The following C4orf51 variants were observed in gnomAD, a reference collection of about 807,000 sequenced individuals.
C4orf51 encodes chromosome 4 open reading frame 51, also known as uncharacterized protein C4orf51.
Under a neutral mutation model 25.2 loss-of-function variants are expected in C4orf51, and 25 were observed. That is an observed-to-expected ratio of 0.99 (90% CI 0.72 to 1.39). The LOEUF is 1.39. Ranked by LOEUF, C4orf51 falls within the 40% of genes most tolerant of loss-of-function variation. The probability of loss-of-function intolerance (pLI) is 0.00; values close to 1 mark genes in which losing one functional copy is unlikely to be tolerated. For missense variants in C4orf51, 252 were observed against 239.6 expected (o/e 1.05, Z -0.34); for synonymous variants, 100 against 84.5 (o/e 1.18, Z -1.01).
chr4:145,786,054 A>T, the C4orf51 span, among the ~76,000 whole-genome samples: 1 of 152,186 alleles, frequency 6.6e-6, no homozygotes, highest in African/African-American at 2.4e-5. Context: ...TGAGGTAAAC[A>T]TGGTATTACT....
At chr4:145,713,218 C>T (rs138510802) in intron 2 of C4orf51, among the ~76,000 whole-genome samples, 61 of 152,260 alleles carry the variant, frequency 4.0e-4, no homozygotes, top group African/African-American at 1.4e-3. Context: ...GGAGTAATTT[C>T]GACTTTCAAG....
At chr4:145,726,740 G>A (rs1732082921) in intron 2 of C4orf51, among the ~76,000 whole-genome samples, 171 bp from the exon 3 acceptor site, 1 of 152,106 alleles carries the variant, frequency 6.6e-6, no homozygotes, top group Non-Finnish European at 1.5e-5. Flanking sequence ...CCTCTACAGT[G>A]TTATAGAACA....
chr4:145,699,088 G>A (rs1476894771), intron 2 of C4orf51, among the ~76,000 whole-genome samples: 3 of 149,810 alleles, frequency 2.0e-5, no homozygotes, highest in South Asian at 2.1e-4. Flanking sequence ...ACTCCTGCCC[G>A]CCAGAGAACA....
intron 1 of C4orf51, among the ~76,000 whole-genome samples, chr4:145,696,049 G>A (rs993798394): frequency 6.6e-6 from 1 of 152,212 alleles, no homozygotes; most frequent in Non-Finnish European, 1.5e-5. Context: ...AAATCACGAG[G>A]TGAAGAGATT....
At chr4:145,709,203 C>T (rs1731000119) in intron 2 of C4orf51, among the ~76,000 whole-genome samples, 1 of 152,114 alleles carries the variant, frequency 6.6e-6, no homozygotes, top group East Asian at 1.9e-4. Context: ...TGCCTCCTTC[C>T]CGAGGGGTTC....
In C4orf51 at chr4:145,696,635, A is replaced by G. The variant is rs781118579; in HGVS notation, c.307+3A>G. The G allele has an allele frequency of 2.5e-6, 4 of 1,610,844 alleles. No homozygotes were observed. The Admixed American group carries it at 5.0e-5, about 20-fold the overall frequency. On this transcript the variant is annotated splice_donor_region_variant and intron_variant, in intron 2 of 5. Coordinates refer to ENST00000438731, the MANE Select transcript of C4orf51 (RefSeq NM_001080531.3). ...CCAAGAGACTACAGATATCAAAGGT[A>G]AGTGCAACATGATCAGTTTCTGGGC...
chr4:145,729,589 C>T (rs1732346245), intron 4 of C4orf51, among the ~76,000 whole-genome samples: 1 of 152,166 alleles, frequency 6.6e-6, no homozygotes, highest in African/African-American at 2.4e-5. Flanking sequence ...GCGTGAGCCA[C>T]CATGCCCGGT....
At chr4:145,768,126 G>T (rs1050257607) in intron 1 of C4orf51, among the ~76,000 whole-genome samples, 1 of 152,142 alleles carries the variant, frequency 6.6e-6, no homozygotes, top group African/African-American at 2.4e-5. Context: ...ATATGAAGTG[G>T]TTTAATCAAT....
At chr4:145,699,868 G>A (rs1730313457) in intron 2 of C4orf51, among the ~76,000 whole-genome samples, 1 of 151,428 alleles carries the variant, frequency 6.6e-6, no homozygotes, top group Non-Finnish European at 1.5e-5. Context: ...CTTTTCTGGG[G>A]GAGGGGCAAG....
chr4:145,742,532 GTTTTTTTTTTTTTT>G (rs141147414), intron 1 of C4orf51, among the ~76,000 whole-genome samples: 5 of 105,008 alleles, frequency 4.8e-5, no homozygotes, highest in East Asian at 2.2e-4. Flanking sequence ...TCTTTTTCTT[GTTTTTTTTTTTTTT>G]TTTTTTTTTT....
At chr4:145,695,569 T>C (rs1334444286) in intron 1 of C4orf51, among the ~76,000 whole-genome samples, 1 of 151,526 alleles carries the variant, frequency 6.6e-6, no homozygotes, top group Admixed American at 6.6e-5. Context: ...CTGTAGGTTG[T>C]CTGTTTCTTT....
At chr4:145,685,757 T>C (rs1729115705) in intron 1 of C4orf51, among the ~76,000 whole-genome samples, 2 of 152,100 alleles carry the variant, frequency 1.3e-5, no homozygotes, top group Non-Finnish European at 2.9e-5. Context: ...TTTTTCTTTC[T>C]TTGGAGGCAG....
intron 1 of C4orf51, among the ~76,000 whole-genome samples, chr4:145,738,854 T>C (rs1164833331): frequency 6.6e-6 from 1 of 152,164 alleles, no homozygotes; most frequent in Non-Finnish European, 1.5e-5. Flanking sequence ...TTGCCCAGGC[T>C]GGTCTCAAAC....
At chr4:145,729,311 T>G (rs1732294910) in intron 4 of C4orf51, 82 bp downstream of exon 4, 1 of 926,638 alleles carries the variant, frequency 1.1e-6, no homozygotes, top group African/African-American at 1.9e-5. Flanking sequence ...TTTTTTTTTT[T>G]TTTTTTTTTT....
intron 2 of C4orf51, among the ~76,000 whole-genome samples, chr4:145,699,506 G>T (rs920171062): frequency 1.3e-5 from 2 of 152,186 alleles, no homozygotes; most frequent in East Asian, 1.9e-4. Flanking sequence ...CCACACTGCA[G>T]TCTCTCCCTT....
intron 2 of C4orf51, among the ~76,000 whole-genome samples, chr4:145,697,388 A>G (rs928637682): frequency 2.0e-5 from 3 of 152,112 alleles, no homozygotes; most frequent in Non-Finnish European, 2.9e-5. Context: ...GTAAGCCACC[A>G]TGCCTGGCTC....
intron 5 of C4orf51, among the ~76,000 whole-genome samples, chr4:145,731,206 TA>T (rs1732436367): frequency 1.3e-5 from 2 of 152,286 alleles, no homozygotes; most frequent in South Asian, 4.1e-4. Context: ...TATTGTTAAA[TA>T]AATAAATCCC....
downstream of C4orf51, among the ~76,000 whole-genome samples, chr4:145,733,894 G>GTCTAGTACC (rs1484947589): frequency 2.6e-5 from 4 of 152,200 alleles, no homozygotes; most frequent in Non-Finnish European, 5.9e-5. Context: ...TAGGTTCCGA[G>GTCTAGTACC]TCTAGTACCT....
At position 145,688,883 on chromosome 4, in the gene C4orf51, TAAATAAAC is replaced by T. The variant is rs1021620557; in HGVS notation, c.234-7672_234-7665del. On this transcript the variant is annotated intron_variant, in intron 1 of 5. Transcript: ENST00000438731. ...GGCAATAGCTGAGACACTCTCAAAA[TAAATAAAC>T]AAACAAACAAACAACAACAACAAAA... Among the ~76,000 whole-genome samples the T allele has an allele frequency of 1.3e-4, 11 of 81,558 alleles. No individual in the cohort carries two copies. The East Asian group carries it at 2.2e-3, about 16-fold the overall frequency. The allele number at this position is 81,558 out of a possible 152,430, so 53.5% of individuals were successfully genotyped here.
Sources: gnomAD v4.1 joint callset for allele counts (sites outside exome capture counted in the v4.1 genomes callset) on GRCh38, gnomAD v4.1.1 for gene constraint, MANE v1.5 for transcripts, NCBI Gene and HGNC (gene_info 2026-07-23, HGNC 2026-07-21) for gene names.